The following DHX32 variants were observed in gnomAD, a reference collection of about 807,000 sequenced individuals.
DHX32 encodes the protein DEAH-box helicase 32 (putative).
Under a neutral mutation model 70.0 loss-of-function variants are expected in DHX32, and 51 were observed. The observed-to-expected ratio is 0.73, with a 90% CI of 0.58 to 0.92. The LOEUF (loss-of-function observed/expected upper bound fraction) is 0.92. Among genes scored for constraint, DHX32 ranks in the 40% least tolerant of loss-of-function variants. The probability of loss-of-function intolerance (pLI) is 0.00; values close to 1 mark genes in which losing one functional copy is unlikely to be tolerated. For missense variants in DHX32, 762 were observed against 891.8 expected, an observed-to-expected ratio of 0.85 and a Z score of 1.85; for synonymous variants, 310 against 315.3, an observed-to-expected ratio of 0.98 and a Z score of 0.18.
chr10:125,892,707 T>C lies in DHX32; in HGVS notation c.-248+3511A>G, dbSNP rs529091359. Among the ~76,000 whole-genome samples, 105 of 152,384 alleles carry C rather than the reference T, an allele frequency of 6.9e-4. No homozygotes were observed. In the South Asian group the frequency reaches 9.9e-3, roughly 14 times the overall value. ...GAATGTGGAATCAATGTCTGCTCTA[T>C]GCCTAAGTCAATAACAGCCCTTTAT... is the stretch of plus-strand genomic sequence containing the variant. On this transcript the variant is annotated intron_variant, in intron 1 of 2. Coordinates refer to the DHX32 transcript ENST00000415732.
At chr10:125,875,317 T>C (rs1944277975) in intron 1 of DHX32, among the ~76,000 whole-genome samples, 1 of 151,636 alleles carries the variant, frequency 6.6e-6, no homozygotes, top group South Asian at 2.1e-4. Flanking sequence ...CAAGGACTCC[T>C]GGAGAAAAAA....
chr10:125,890,205 T>C, intron 1 of DHX32, among the ~76,000 whole-genome samples: 2 of 152,426 alleles, frequency 1.3e-5, no homozygotes, highest in Admixed American at 1.3e-4. Flanking sequence ...TTGTAAATCT[T>C]TTTTATAGAT....
intron 2 of DHX32, among the ~76,000 whole-genome samples, chr10:125,864,929 CAAAAAAAAAAAAAAAAAAAAAAA>C (rs61570718): frequency 2.0e-4 from 11 of 54,212 alleles, no homozygotes; most frequent in South Asian, 9.7e-4. Flanking sequence ...GACTCTGTCT[CAAAAAAAAAAAAAAAAAAAAAAA>C]AAAAAAAAAA....
At chr10:125,880,455 T>G (rs1944310309) in intron 1 of DHX32, 88 bp downstream of exon 1, 25 of 1,379,072 alleles carry the variant, frequency 1.8e-5, no homozygotes, top group Admixed American at 2.5e-5. Context: ...TAGACACTAT[T>G]ATTAGAACAC....
At chr10:125,841,189 G>T in intron 7 of DHX32, 193 bp from the exon 8 acceptor site, 1 of 1,406,062 alleles carries the variant, frequency 7.1e-7, no homozygotes, top group Non-Finnish European at 1.0e-6. Flanking sequence ...CTCTCCTTTT[G>T]TGTGTGTGTG....
At position 125,848,615 on chromosome 10, in the gene DHX32, C is replaced by T. The variant is rs565433917; in HGVS notation, c.1351+3678G>A. Among the ~76,000 whole-genome samples the T allele has an allele frequency of 6.6e-5, 10 of 152,284 alleles. No homozygotes were observed. The South Asian group carries it at 1.5e-3, about 22-fold the overall frequency. On this transcript the variant is annotated intron_variant, in intron 6 of 10. Coordinates refer to ENST00000284690, the MANE Select transcript of DHX32 (RefSeq NM_018180.3). Reference sequence around the variant, plus strand: ...GTGCTGTTGCTGTTATCTGCCATGGCTCTTCCTGGCTCCGGCCCATCTCAG... The same window carrying T: ...GTGCTGTTGCTGTTATCTGCCATGGTTCTTCCTGGCTCCGGCCCATCTCAG...
In DHX32 at chr10:125,859,591, T is replaced by C. The variant is rs1325131658; in HGVS notation, c.849+12A>G. On this transcript the variant is annotated intron_variant, in intron 3 of 10. Coordinates refer to ENST00000284690, the MANE Select transcript of DHX32 (RefSeq NM_018180.3). Reference sequence around the variant, plus strand: ...ACCTTATTACTGTAAGGTTAGAGTATCACTTACTTACTTGTTCACAGGCCA... The same window carrying C: ...ACCTTATTACTGTAAGGTTAGAGTACCACTTACTTACTTGTTCACAGGCCA... The C allele has an allele frequency of 6.4e-7, 1 of 1,552,624 alleles. No individual in the cohort carries two copies. The highest frequency in any genetic ancestry group is 2.0e-5 in the Admixed American group (1 of 49,178).
chr10:125,864,222 G>T (rs115259392), intron 2 of DHX32, among the ~76,000 whole-genome samples: 1 of 152,256 alleles, frequency 6.6e-6, no homozygotes, highest in African/African-American at 2.4e-5. Flanking sequence ...GCTGGTTCTG[G>T]GGGCATGTCA....
intron 6 of DHX32, among the ~76,000 whole-genome samples, chr10:125,846,761 T>C (rs1944026976): frequency 6.6e-6 from 1 of 152,110 alleles, no homozygotes; most frequent in South Asian, 2.1e-4. Context: ...AGGGGACTGG[T>C]TCAGGGTGGG....
intron 2 of DHX32, among the ~76,000 whole-genome samples, chr10:125,861,696 C>T (rs959891509): frequency 6.6e-6 from 1 of 152,194 alleles, no homozygotes; most frequent in African/African-American, 2.4e-5. Flanking sequence ...GAATGAAGTG[C>T]ACGGTTTGTG....
intron 2 of DHX32, among the ~76,000 whole-genome samples, chr10:125,864,065 T>C (rs1438275242): frequency 6.6e-6 from 1 of 152,146 alleles, no homozygotes; most frequent in Non-Finnish European, 1.5e-5. Context: ...TTGACAGCCA[T>C]GTTGCCTCCT....
At chr10:125,855,166 G>A (rs979169252) in intron 3 of DHX32, among the ~76,000 whole-genome samples, 3 of 150,564 alleles carry the variant, frequency 2.0e-5, no homozygotes, top group Non-Finnish European at 2.9e-5. Context: ...AGGTTGCAGC[G>A]AGCCGAGATC....
At chr10:125,855,686 A>G (rs1042331438) in intron 3 of DHX32, among the ~76,000 whole-genome samples, 1 of 152,042 alleles carries the variant, frequency 6.6e-6, no homozygotes, top group Non-Finnish European at 1.5e-5. Flanking sequence ...TCCTGACCTC[A>G]TGATCTGCCT....
At chr10:125,886,595 A>G (rs1944342294) in intron 1 of DHX32, among the ~76,000 whole-genome samples, 4 of 152,306 alleles carry the variant, frequency 2.6e-5, no homozygotes, top group African/African-American at 9.6e-5. Context: ...CCTTCTGTTT[A>G]TGATATATGA....
chr10:125,861,964 G>A (rs895587380), intron 2 of DHX32, among the ~76,000 whole-genome samples: 3 of 151,102 alleles, frequency 2.0e-5, no homozygotes, highest in Non-Finnish European at 4.4e-5. Flanking sequence ...CATCTATTAA[G>A]CACCTAGTGT....
At chr10:125,874,424 T>C (rs1944272522) in intron 1 of DHX32, among the ~76,000 whole-genome samples, 1 of 152,180 alleles carries the variant, frequency 6.6e-6, no homozygotes, top group Non-Finnish European at 1.5e-5. Flanking sequence ...TTGAAATAAT[T>C]GAGAAATTAA....
intron 1 of DHX32, 92 bp from the exon 2 acceptor site, chr10:125,867,275 A>G (rs1347112256): frequency 8.9e-7 from 1 of 1,117,324 alleles, no homozygotes; most frequent in East Asian, 2.6e-5. Context: ...CTTATAAGTG[A>G]TTTTCTTTCA....
At chr10:125,856,447 A>G (rs1298091093) in intron 3 of DHX32, among the ~76,000 whole-genome samples, 1 of 152,200 alleles carries the variant, frequency 6.6e-6, no homozygotes, top group Non-Finnish European at 1.5e-5. Flanking sequence ...AGGTGATAGG[A>G]AACAACACGC....
chr10:125,857,975 C>A (rs1483577753), intron 3 of DHX32, among the ~76,000 whole-genome samples: 1 of 150,692 alleles, frequency 6.6e-6, no homozygotes, highest in Non-Finnish European at 1.5e-5. Context: ...TCATAGCTCA[C>A]TGCAGCCTCA....
Sources: gnomAD v4.1 joint callset for allele counts (sites outside exome capture counted in the v4.1 genomes callset) on GRCh38, gnomAD v4.1.1 for gene constraint, MANE v1.5 for transcripts, NCBI Gene and HGNC (gene_info 2026-07-23, HGNC 2026-07-21) for gene names.